IGF2BP3: variants seen among roughly 807,000 people sequenced by gnomAD.
The protein encoded by IGF2BP3 is insulin-like growth factor 2 mRNA-binding protein 3.
A neutral mutation model predicts 73.8 loss-of-function variants in IGF2BP3; 9 were observed. The observed-to-expected ratio is 0.12, with a 90% CI of 0.07 to 0.21. The LOEUF (loss-of-function observed/expected upper bound fraction) is 0.21, where lower values mean the gene tolerates loss of function less well. Among genes scored for constraint, IGF2BP3 ranks in the 10% least tolerant of loss-of-function variants. The pLI is 1.00. For missense variants in IGF2BP3, 542 were observed against 714.0 expected (o/e 0.76, Z 2.75); for synonymous variants, 258 against 256.7 (o/e 1.01, Z -0.05).
rs1463751569 is a variant in IGF2BP3, at chr7:23,342,192, G to A, written c.1078-3C>T. 7 of 1,613,448 alleles carry A rather than the reference G, an allele frequency of 4.3e-6. No homozygotes were observed. The highest frequency in any genetic ancestry group is 1.1e-5 in the South Asian group (1 of 91,062). On this transcript the variant is annotated splice_polypyrimidine_tract_variant and splice_region_variant and intron_variant, in intron 9 of 14. Transcript: ENST00000258729. ...CCAGGAATTAAATGTGCTTGAAGCT[G>A]CAACAGTAAAAAGGCCCCTTAATTT... is the stretch of plus-strand genomic sequence containing the variant.
At position 23,462,523 on chromosome 7, in the gene IGF2BP3, G is replaced by A. The variant is rs1405685954; in HGVS notation, c.236+5959C>T. Among the ~76,000 whole-genome samples, 7 of 152,094 alleles carry A rather than the reference G, an allele frequency of 4.6e-5. No homozygotes were observed. In the South Asian group the frequency reaches 8.3e-4, roughly 18 times the overall value. On this transcript the variant is annotated intron_variant, in intron 2 of 14. Transcript: ENST00000258729. ...ACTAAAGGCGACCGCCACCACGCCC[G>A]GTTAATTTTTTTGTATTTTTAGTAG...
intron 2 of IGF2BP3, among the ~76,000 whole-genome samples, chr7:23,432,699 G>A (rs1026306057): frequency 3.3e-5 from 5 of 151,054 alleles, no homozygotes; most frequent in Admixed American, 6.6e-5. Flanking sequence ...GAGTGCAAAC[G>A]GCATGATCTC....
chr7:23,461,081 C>G (rs929309608), intron 2 of IGF2BP3, among the ~76,000 whole-genome samples: 2 of 152,006 alleles, frequency 1.3e-5, no homozygotes, highest in Admixed American at 1.3e-4. Context: ...AGAGCCAGGC[C>G]GAGATTTAAC....
chr7:23,439,341 AG>A (rs1287114080), intron 2 of IGF2BP3, among the ~76,000 whole-genome samples: 2 of 151,988 alleles, frequency 1.3e-5, no homozygotes, highest in Admixed American at 1.3e-4. Context: ...TCATGAAGTC[AG>A]GAGATCTCAA....
chr7:23,432,017 CTT>C (rs759040745), intron 2 of IGF2BP3, among the ~76,000 whole-genome samples: 9 of 152,234 alleles, frequency 5.9e-5, no homozygotes, highest in Non-Finnish European at 1.2e-4. Flanking sequence ...AACAAAGTCT[CTT>C]TACATCACAG....
At chr7:23,336,150 T>C (rs888870038) in intron 10 of IGF2BP3, among the ~76,000 whole-genome samples, 1 of 150,560 alleles carries the variant, frequency 6.6e-6, no homozygotes, top group African/African-American at 2.5e-5. Flanking sequence ...AGTAGAGAAA[T>C]GCAACAATTC....
chr7:23,419,350 T>C (rs997888874), intron 2 of IGF2BP3, among the ~76,000 whole-genome samples: 3 of 152,198 alleles, frequency 2.0e-5, no homozygotes, highest in Non-Finnish European at 4.4e-5. Context: ...GTACTTGTAA[T>C]TTTGACATCA....
At chr7:23,458,766 G>C (rs924431296) in intron 2 of IGF2BP3, among the ~76,000 whole-genome samples, 5 of 152,180 alleles carry the variant, frequency 3.3e-5, no homozygotes, top group Non-Finnish European at 2.9e-5. Flanking sequence ...CAGACTACCT[G>C]TATACTAGTC....
At chr7:23,405,086 C>G (rs1786785766) in intron 3 of IGF2BP3, 1 of 152,130 alleles carries the variant, frequency 6.6e-6, no homozygotes. Context: ...AAGTCCTGTT[C>G]AGTCTCAATT....
At chr7:23,468,353 G>T in intron 2 of IGF2BP3, 129 bp downstream of exon 2, 1 of 916,122 alleles carries the variant, frequency 1.1e-6, no homozygotes, top group Non-Finnish European at 1.8e-6. Context: ...TAAAAGCAAG[G>T]ATTAAAGACC....
At chr7:23,387,063 C>CAAAAA (rs554283709) in intron 3 of IGF2BP3, among the ~76,000 whole-genome samples, 1 of 90,908 alleles carries the variant, frequency 1.1e-5, no homozygotes, top group East Asian at 2.8e-4. Flanking sequence ...AAGACTCTGT[C>CAAAAA]AAAAAAAAAA....
At chr7:23,382,075 C>A (rs532638638) in intron 3 of IGF2BP3, among the ~76,000 whole-genome samples, 40 of 152,038 alleles carry the variant, frequency 2.6e-4, no homozygotes, top group African/African-American at 8.9e-4. Context: ...CATAGGAAGA[C>A]CCCATCTTTA....
rs143074314 is a variant in IGF2BP3 at position 23,403,203 on chromosome 7, T to C, written c.285+15573A>G. 3.8e-3 allele frequency among the ~76,000 whole-genome samples: 572 copies of C among 152,304 alleles called. 1 individual carries two copies. Among genetic ancestry groups the C allele is most frequent in the African/African-American group, 0.013 (548 of 41,566 alleles). On this transcript the variant is annotated intron_variant, in intron 3 of 14. Transcript: ENST00000258729. ...TATTATATTTTGGTCTGCTTATCAC[T>C]AGAGAAAACCACTAAACTGAGAGCA... is the stretch of plus-strand genomic sequence containing the variant.
At chr7:23,393,712 A>G in intron 3 of IGF2BP3, among the ~76,000 whole-genome samples, 1 of 152,216 alleles carries the variant, frequency 6.6e-6, no homozygotes, top group African/African-American at 2.4e-5. Flanking sequence ...CAGGCTCTTA[A>G]AAGATCATCT....
At chr7:23,458,624 C>T (rs1402742292) in intron 2 of IGF2BP3, among the ~76,000 whole-genome samples, 1 of 152,144 alleles carries the variant, frequency 6.6e-6, no homozygotes, top group Non-Finnish European at 1.5e-5. Context: ...CTTTAGGCCC[C>T]TCTCCAACTT....
chr7:23,339,745 G>C (rs1251124885), intron 10 of IGF2BP3, among the ~76,000 whole-genome samples: 1 of 152,152 alleles, frequency 6.6e-6, no homozygotes, highest in Non-Finnish European at 1.5e-5. Context: ...ATGTGGGTTA[G>C]ATGCGAGCTT....
intron 2 of IGF2BP3, among the ~76,000 whole-genome samples, chr7:23,428,983 G>A (rs1176741854): frequency 6.6e-6 from 1 of 152,060 alleles, no homozygotes. Context: ...GAGCATTTCT[G>A]CTTTCTGTTA....
chr7:23,414,840 G>A (rs1787135602), intron 3 of IGF2BP3: 1 of 170,266 alleles, frequency 5.9e-6, no homozygotes, highest in Non-Finnish European at 1.3e-5. Context: ...TCCATCAGTC[G>A]ACATCAGCAG....
chr7:23,465,076 A>G (rs532924393), intron 2 of IGF2BP3, among the ~76,000 whole-genome samples: 2 of 152,332 alleles, frequency 1.3e-5, no homozygotes, highest in South Asian at 2.1e-4. Flanking sequence ...CCCATGCCCA[A>G]CAGCCCACAA....
Sources: allele counts gnomAD v4.1 joint callset (sites outside exome capture counted in the v4.1 genomes callset), GRCh38; gene constraint gnomAD v4.1.1; transcripts MANE v1.5; gene names NCBI Gene and HGNC (gene_info 2026-07-23, HGNC 2026-07-21).